Variants in RAD51B observed in about 807,000 individuals in gnomAD.
RAD51B encodes the protein RAD51 paralog B.
RAD51B carries 38 observed loss-of-function variants against 42.2 expected under a neutral mutation model. That is an observed-to-expected ratio of 0.90 (90% CI 0.70 to 1.18). RAD51B has a LOEUF of 1.18. RAD51B is among the 50% of genes most tolerant of loss of function. The pLI is 0.00. For synonymous variants in RAD51B, 154 were observed against 145.2 expected (o/e 1.06, Z -0.43); for missense variants, 373 against 400.7 (o/e 0.93, Z 0.59).
At chr14:68,121,333 C>G (rs902653287) in intron 7 of RAD51B, among the ~76,000 whole-genome samples, 1 of 152,138 alleles carries the variant, frequency 6.6e-6, no homozygotes, top group Non-Finnish European at 1.5e-5. Flanking sequence ...TTATTCCAGG[C>G]AGTGAGAAAT....
At chr14:67,844,280 C>T (rs1197305682) in intron 4 of RAD51B, among the ~76,000 whole-genome samples, 1 of 151,072 alleles carries the variant, frequency 6.6e-6, no homozygotes, top group African/African-American at 2.4e-5. Flanking sequence ...ATTGTGTGGT[C>T]AGTGTTAGAA....
chr14:68,177,196 CACTT>C (rs1295903708), intron 7 of RAD51B, among the ~76,000 whole-genome samples: 1 of 152,178 alleles, frequency 6.6e-6, no homozygotes, highest in African/African-American at 2.4e-5. Flanking sequence ...TGTACACAAA[CACTT>C]AGTGATGTTT....
chr14:68,206,646 G>T (rs778799693), intron 7 of RAD51B, among the ~76,000 whole-genome samples: 1 of 151,416 alleles, frequency 6.6e-6, no homozygotes, highest in South Asian at 2.1e-4. Flanking sequence ...GATTTAGCCA[G>T]TATGTTCTGG....
intron 7 of RAD51B, among the ~76,000 whole-genome samples, chr14:68,264,615 G>C (rs1396447508): frequency 1.3e-5 from 2 of 152,208 alleles, no homozygotes; most frequent in African/African-American, 4.8e-5. Flanking sequence ...TAAAGGTAAA[G>C]TAGATACAAA....
intron 10 of RAD51B, chr14:68,561,967 A>T: frequency 1.0e-6 from 1 of 985,424 alleles, no homozygotes; most frequent in Non-Finnish European, 1.2e-6. Context: ...TTGTGGCAGC[A>T]ATGTACACGA....
At chr14:68,162,612 C>T (rs891450836) in intron 7 of RAD51B, among the ~76,000 whole-genome samples, 3 of 152,036 alleles carry the variant, frequency 2.0e-5, no homozygotes, top group Non-Finnish European at 2.9e-5. Flanking sequence ...GGTGAAACCC[C>T]GTCTTGACTA....
At chr14:68,443,062 G>A (rs1189882455) in intron 9 of RAD51B, among the ~76,000 whole-genome samples, 2 of 152,208 alleles carry the variant, frequency 1.3e-5, no homozygotes, top group Non-Finnish European at 2.9e-5. Flanking sequence ...ATGTTTACTT[G>A]GCCTCTTGCT....
chr14:67,881,607 C>G (rs140562298), intron 5 of RAD51B, among the ~76,000 whole-genome samples: 1 of 152,132 alleles, frequency 6.6e-6, no homozygotes, highest in African/African-American at 2.4e-5. Context: ...GTTTACTTTC[C>G]CTTTCTTGTG....
chr14:68,519,169 T>C (rs904382997), intron 10 of RAD51B, among the ~76,000 whole-genome samples: 5 of 152,232 alleles, frequency 3.3e-5, no homozygotes, highest in Admixed American at 6.5e-5. Context: ...TTGTTAAACA[T>C]TTACCGGCAC....
At chr14:68,421,852 A>G (rs2084708532) in intron 9 of RAD51B, 2 of 1,595,866 alleles carry the variant, frequency 1.3e-6, no homozygotes, top group South Asian at 1.1e-5. Context: ...TTGGCAGTGC[A>G]GATGAAAAAC....
At chr14:68,172,994 A>T (rs1039198147) in intron 7 of RAD51B, among the ~76,000 whole-genome samples, 2 of 152,220 alleles carry the variant, frequency 1.3e-5, no homozygotes, top group Admixed American at 1.3e-4. Flanking sequence ...GTGGCTAATT[A>T]TACAGCTCCA....
chr14:68,663,137 C>A (rs566807255), intron 11 of RAD51B, among the ~76,000 whole-genome samples: 4 of 152,282 alleles, frequency 2.6e-5, no homozygotes, highest in African/African-American at 9.6e-5. Context: ...TCTATCTCTA[C>A]TAAAAATACA....
intron 4 of RAD51B, among the ~76,000 whole-genome samples, chr14:67,852,379 G>A (rs1595002648): frequency 6.6e-6 from 1 of 152,230 alleles, no homozygotes; most frequent in African/African-American, 2.4e-5. Flanking sequence ...ATCCAAGGTT[G>A]GTGGGGATCC....
At chr14:68,219,933 G>T (rs1290593818) in intron 7 of RAD51B, among the ~76,000 whole-genome samples, 1 of 151,988 alleles carries the variant, frequency 6.6e-6, no homozygotes, top group Non-Finnish European at 1.5e-5. Context: ...CCAACTTAAA[G>T]AAATCAAAAA....
rs1196419009 is a variant in RAD51B, at chr14:68,572,962, A to C, written c.1037-21523A>C. On this transcript the variant is annotated intron_variant, in intron 10 of 10. Coordinates refer to the RAD51B transcript ENST00000487270. The stretch of plus-strand genomic sequence containing the variant: ...CGCGTGAGGAGACAAAAGCACAGAG[A>C]GATGAAACAGCCTACCAAGGGTGCC... Among the ~76,000 whole-genome samples the C allele has an allele frequency of 2.6e-5, 4 of 152,234 alleles. No individual in the cohort carries two copies. The East Asian group carries it at 7.7e-4, about 29-fold the overall frequency.
intron 7 of RAD51B, among the ~76,000 whole-genome samples, chr14:68,044,626 T>G (rs1051521951): frequency 7.2e-5 from 11 of 152,176 alleles, no homozygotes; most frequent in African/African-American, 2.4e-4. Context: ...AAATTTATGT[T>G]TTTCTTCTTC....
At chr14:67,973,055 T>G (rs1015938574) in intron 7 of RAD51B, among the ~76,000 whole-genome samples, 1 of 152,086 alleles carries the variant, frequency 6.6e-6, no homozygotes, top group African/African-American at 2.4e-5. Flanking sequence ...AAATCAAAAT[T>G]ATCAACACAG....
chr14:68,072,796 T>G (rs11628745), intron 7 of RAD51B, among the ~76,000 whole-genome samples: 39,330 of 152,120 alleles, frequency 0.26, 6,573 homozygotes, highest in African/African-American at 0.48. Context: ...TTACCCTTAA[T>G]TCATTCAGGA....
intron 7 of RAD51B, among the ~76,000 whole-genome samples, chr14:67,921,477 C>T (rs181115878): frequency 2.0e-4 from 31 of 151,924 alleles, no homozygotes; most frequent in African/African-American, 6.8e-4. Flanking sequence ...CTCAAATGTT[C>T]TAGTTGATGT....
Sources: gnomAD v4.1 joint callset for allele counts (sites outside exome capture counted in the v4.1 genomes callset) on GRCh38, gnomAD v4.1.1 for gene constraint, MANE v1.5 for transcripts, NCBI Gene and HGNC (gene_info 2026-07-23, HGNC 2026-07-21) for gene names.